The following SLC2A13 variants were observed in gnomAD, a reference collection of about 807,000 sequenced individuals.
SLC2A13 encodes proton myo-inositol cotransporter.
In SLC2A13, 32 loss-of-function variants were observed where a neutral mutation model predicts 64.4. That is an observed-to-expected ratio of 0.50 (90% CI 0.37 to 0.67). SLC2A13 has a LOEUF of 0.67. SLC2A13 is among the 30% of genes least tolerant of loss of function. The pLI, the probability that SLC2A13 is intolerant of heterozygous loss-of-function variation, is 0.00. For synonymous variants in SLC2A13, 338 were observed against 327.1 expected (o/e 1.03, Z -0.36); for missense variants, 743 against 829.2 (o/e 0.90, Z 1.28).
Position 39,895,869 on chromosome 12 carries a change from C to T in SLC2A13, c.1035-23908G>A, listed in dbSNP as rs796177525. Among the ~76,000 whole-genome samples, 41 of 71,790 alleles carry T rather than the reference C, an allele frequency of 5.7e-4. 1 individual carries two copies. Among genetic ancestry groups the T allele is most frequent in the South Asian group, 1.7e-3 (3 of 1,804 alleles). The allele number at this position is 71,790 out of a possible 152,430, so 47.1% of individuals were successfully genotyped here. A position where few individuals can be genotyped will look rare whatever the true frequency, so the allele number is the denominator to read the frequency against. On this transcript the variant is annotated intron_variant, in intron 4 of 9. Coordinates refer to ENST00000280871, the MANE Select transcript of SLC2A13 (RefSeq NM_052885.4). ...ACATATGTATATGCGTGTATATGCA[C>T]ACACATATGTATATGCGTGTATATG...
intron 1 of SLC2A13, among the ~76,000 whole-genome samples, chr12:40,094,747 A>C (rs1238586503): frequency 6.6e-6 from 1 of 152,252 alleles, no homozygotes; most frequent in East Asian, 1.9e-4. Context: ...CTGAAAGATA[A>C]AGTGGGGCAG....
intron 2 of SLC2A13, among the ~76,000 whole-genome samples, chr12:40,037,510 T>G (rs1407673331): frequency 6.6e-6 from 1 of 151,444 alleles, no homozygotes; most frequent in African/African-American, 2.4e-5. Flanking sequence ...TCCCACCTAC[T>G]CAGGAGGTTG....
At chr12:39,924,266 TA>T (rs1199895834) in intron 4 of SLC2A13, among the ~76,000 whole-genome samples, 2 of 152,266 alleles carry the variant, frequency 1.3e-5, no homozygotes, top group African/African-American at 4.8e-5. Flanking sequence ...GCTGAAGAGA[TA>T]CACAGGTTGT....
intron 4 of SLC2A13, among the ~76,000 whole-genome samples, chr12:39,923,694 G>GCACACACACACACACA (rs200530373): frequency 0.012 from 1,624 of 137,272 alleles, 17 homozygotes; most frequent in Middle Eastern, 0.044. Flanking sequence ...ATATGCGCAC[G>GCACACACACACACACA]CGCACACACA....
chr12:39,782,992 T>C (rs1592133075), intron 7 of SLC2A13, among the ~76,000 whole-genome samples: 2 of 152,152 alleles, frequency 1.3e-5, no homozygotes, highest in South Asian at 4.1e-4. Context: ...TTTACATTAC[T>C]TATGTCTCTT....
Position 39,760,135 on chromosome 12 carries a change from A to G in SLC2A13, c.1838T>C (p.Leu613Pro). ...EEIESLFDNR[L>P]CTCGTSDSDE... ...AGAATCTGAAGTGCCACATGTACAT[A>G]GCCTGTTGTCAAAGAGTGATTCAAT... is the stretch of plus-strand genomic sequence containing the variant. The change falls in exon 10 of 10, where the codon CTA becomes CCA. Residue 613 changes from leucine (L) to proline (P), a missense_variant. Around this residue, in one of 2 missense-constraint regions of SLC2A13, gnomAD observed 295 missense variants for 381.7 expected, o/e 0.77. Coordinates refer to ENST00000280871, the MANE Select transcript of SLC2A13 (RefSeq NM_052885.4). The G allele has an allele frequency of 6.2e-7, 1 of 1,613,042 alleles. No individual in the cohort carries two copies. The highest frequency in any genetic ancestry group is 2.2e-5 in the East Asian group (1 of 44,834).
intron 6 of SLC2A13, among the ~76,000 whole-genome samples, chr12:39,857,129 T>G (rs1329054036): frequency 6.6e-6 from 1 of 152,200 alleles, no homozygotes; most frequent in Non-Finnish European, 1.5e-5. Context: ...GAGATACATG[T>G]TTTTCCCCCT....
intron 1 of SLC2A13, among the ~76,000 whole-genome samples, chr12:40,058,473 C>T (rs1948368609): frequency 1.3e-5 from 2 of 151,838 alleles, no homozygotes; most frequent in South Asian, 4.2e-4. Flanking sequence ...TTTTTTGGAG[C>T]TCTAGTTCTG....
At position 40,092,424 on chromosome 12, in the gene SLC2A13, A is replaced by G. The variant is rs185598969; in HGVS notation, c.556+12829T>C. The stretch of plus-strand genomic sequence containing the variant: ...GAAACGTAACCCCATCCAGAATTAA[A>G]TCTGGATGATTTAAAAGGATCAGAT... On this transcript the variant is annotated intron_variant, in intron 1 of 9. Coordinates refer to ENST00000280871, the MANE Select transcript of SLC2A13 (RefSeq NM_052885.4). 7.2e-5 allele frequency among the ~76,000 whole-genome samples: 11 copies of G among 152,314 alleles called. No homozygotes were observed. In the East Asian group the frequency reaches 2.1e-3, roughly 29 times the overall value.
chr12:39,781,611 A>T (rs1366855712), intron 7 of SLC2A13, among the ~76,000 whole-genome samples: 3 of 152,254 alleles, frequency 2.0e-5, no homozygotes, highest in Admixed American at 2.0e-4. Context: ...AGAATGAATA[A>T]GTCATTCAAT....
intron 1 of SLC2A13, among the ~76,000 whole-genome samples, chr12:40,070,934 T>C (rs1331965092): frequency 6.6e-6 from 1 of 152,138 alleles, no homozygotes; most frequent in East Asian, 1.9e-4. Flanking sequence ...TATCAGCCCA[T>C]ATTTATATAA....
chr12:39,968,307 CACTG>C (rs781665093), intron 3 of SLC2A13, among the ~76,000 whole-genome samples: 14 of 152,056 alleles, frequency 9.2e-5, no homozygotes, highest in Non-Finnish European at 1.5e-4. Context: ...CATGAAAACT[CACTG>C]ACTATCACGA....
At chr12:39,938,760 T>C (rs1945967118) in intron 4 of SLC2A13, among the ~76,000 whole-genome samples, 1 of 151,968 alleles carries the variant, frequency 6.6e-6, no homozygotes, top group African/African-American at 2.4e-5. Flanking sequence ...ATCCATATTG[T>C]GCTAACTTAT....
At chr12:40,034,826 T>C (rs1457907573) in intron 2 of SLC2A13, among the ~76,000 whole-genome samples, 2 of 152,198 alleles carry the variant, frequency 1.3e-5, no homozygotes, top group African/African-American at 2.4e-5. Context: ...TGAAGATGTA[T>C]TGTGTTTGCT....
intron 4 of SLC2A13, among the ~76,000 whole-genome samples, chr12:39,873,612 T>G (rs1170746079): frequency 6.6e-6 from 1 of 152,204 alleles, no homozygotes; most frequent in Non-Finnish European, 1.5e-5. Flanking sequence ...AGTTATATTG[T>G]GCAAAATAAT....
chr12:39,913,590 A>T (rs1415635720), intron 4 of SLC2A13, among the ~76,000 whole-genome samples: 1 of 151,922 alleles, frequency 6.6e-6, no homozygotes, highest in Non-Finnish European at 1.5e-5. Flanking sequence ...AAAATACATA[A>T]GTATTAACCA....
intron 7 of SLC2A13, among the ~76,000 whole-genome samples, chr12:39,779,273 G>A (rs1285428390): frequency 6.6e-6 from 1 of 152,210 alleles, no homozygotes; most frequent in Non-Finnish European, 1.5e-5. Context: ...ATTCTCAAAT[G>A]TCCTTCTGAA....
At chr12:40,065,824 T>C (rs182988487) in intron 1 of SLC2A13, among the ~76,000 whole-genome samples, 1 of 152,206 alleles carries the variant, frequency 6.6e-6, no homozygotes, top group Non-Finnish European at 1.5e-5. Context: ...AGGTTTTACA[T>C]AAGTGTTTTA....
intron 6 of SLC2A13, among the ~76,000 whole-genome samples, chr12:39,847,212 C>T (rs1943343085): frequency 6.6e-6 from 1 of 152,140 alleles, no homozygotes; most frequent in African/African-American, 2.4e-5. Context: ...CAGAACCACT[C>T]ATAAATGTCT....
Sources: allele counts gnomAD v4.1 joint callset (sites outside exome capture counted in the v4.1 genomes callset), GRCh38; gene constraint gnomAD v4.1.1; regional missense constraint gnomAD v4.1.1; transcripts MANE v1.5; gene names NCBI Gene and HGNC (gene_info 2026-07-23, HGNC 2026-07-21).